Variants in CAB39L observed in about 807,000 individuals in gnomAD.
The protein encoded by CAB39L is calcium-binding protein 39-like.
A neutral mutation model predicts 39.1 loss-of-function variants in CAB39L; 23 were observed. The observed-to-expected ratio is 0.59, with a 90% CI of 0.42 to 0.83. The LOEUF (loss-of-function observed/expected upper bound fraction) is 0.83. Ranked by LOEUF, CAB39L falls within the 40% of genes least tolerant of loss-of-function variation. The pLI is 0.00. For synonymous variants in CAB39L, 126 were observed against 137.2 expected, an observed-to-expected ratio of 0.92 and a Z score of 0.57; for missense variants, 366 against 391.9, an observed-to-expected ratio of 0.93 and a Z score of 0.56.
At chr13:49,341,489 G>A (rs947531346) in intron 8 of CAB39L, among the ~76,000 whole-genome samples, 1 of 152,044 alleles carries the variant, frequency 6.6e-6, no homozygotes, top group African/African-American at 2.4e-5. Context: ...CTGACCTCGT[G>A]ATCCACCCGC....
At chr13:49,381,786 C>T (rs142513427) in intron 4 of CAB39L, among the ~76,000 whole-genome samples, 5 of 152,246 alleles carry the variant, frequency 3.3e-5, no homozygotes, top group African/African-American at 1.2e-4. Flanking sequence ...GGGTTGTTTC[C>T]ATGAAAGGAT....
intron 4 of CAB39L, among the ~76,000 whole-genome samples, chr13:49,378,794 G>A (rs1260613750): frequency 3.6e-4 from 17 of 47,838 alleles, no homozygotes; most frequent in African/African-American, 8.3e-4. Flanking sequence ...CCGGCCAGCC[G>A]CCCCGTCCGG....
chr13:49,367,682 C>G (rs1955807665), intron 5 of CAB39L, among the ~76,000 whole-genome samples: 1 of 152,074 alleles, frequency 6.6e-6, no homozygotes. Context: ...TTTGAGAGGC[C>G]AAGCCTGGAG....
intron 3 of CAB39L, among the ~76,000 whole-genome samples, chr13:49,391,661 T>C (rs1264085825): frequency 1.3e-5 from 2 of 152,130 alleles, no homozygotes; most frequent in Non-Finnish European, 2.9e-5. Flanking sequence ...AATCACATCA[T>C]ACACAAATTA....
intron 5 of CAB39L, among the ~76,000 whole-genome samples, chr13:49,373,589 AT>A (rs2138553403): frequency 1.3e-5 from 2 of 152,348 alleles, no homozygotes; most frequent in South Asian, 4.1e-4. Context: ...CTTCTAAACA[AT>A]TTACTGATTC....
intron 5 of CAB39L, among the ~76,000 whole-genome samples, chr13:49,372,632 C>A (rs971448712): frequency 2.0e-5 from 3 of 152,200 alleles, no homozygotes; most frequent in Middle Eastern, 3.4e-3. Context: ...GTGTAGAAAA[C>A]CACCCCTTCT....
intron 3 of CAB39L, among the ~76,000 whole-genome samples, chr13:49,431,736 A>G (rs1231536783): frequency 6.6e-6 from 1 of 152,174 alleles, no homozygotes; most frequent in South Asian, 2.1e-4. Context: ...AAAATAAAAT[A>G]AAAAACAAAA....
chr13:49,435,076 T>C lies in CAB39L; in HGVS notation c.-245-853A>G, dbSNP rs74827165. The stretch of plus-strand genomic sequence containing the variant: ...TCCTTCCTTCTGCGGATACATTGCA[T>C]ACTTTTCCATGCCTTTGTTTTTTCC... On this transcript the variant is annotated intron_variant, in intron 1 of 10. Transcript: ENST00000409308. Among the ~76,000 whole-genome samples, 1,112 of 152,350 alleles carry C rather than the reference T, an allele frequency of 7.3e-3. 4 individuals carry two copies. Among genetic ancestry groups the C allele is most frequent in the Non-Finnish European group, 0.012 (815 of 68,024 alleles).
intron 10 of CAB39L, among the ~76,000 whole-genome samples, chr13:49,314,353 A>G (rs773851258): frequency 2.6e-5 from 4 of 152,208 alleles, no homozygotes; most frequent in Non-Finnish European, 5.9e-5. Context: ...CAGCAGCTTC[A>G]GCACAAGTAA....
chr13:49,426,147 G>A (rs1333842775), intron 3 of CAB39L, among the ~76,000 whole-genome samples: 2 of 152,160 alleles, frequency 1.3e-5, no homozygotes, highest in Admixed American at 6.5e-5. Context: ...AGATTCTGCT[G>A]AAATGGCTGC....
intron 5 of CAB39L, among the ~76,000 whole-genome samples, chr13:49,361,476 T>A (rs1273814266): frequency 2.3e-4 from 2 of 8,794 alleles, no homozygotes; most frequent in African/African-American, 1.0e-3. Flanking sequence ...AGACTTCATC[T>A]CAAAAAAAAA....
intron 10 of CAB39L, among the ~76,000 whole-genome samples, chr13:49,321,174 T>C (rs73186855): frequency 0.038 from 5,741 of 152,336 alleles, 153 homozygotes; most frequent in Non-Finnish European, 0.057. Context: ...CACCCAGAGA[T>C]AACCCCTGTG....
At chr13:49,344,061 G>A (rs1164235007) in intron 8 of CAB39L, 118 bp downstream of exon 8, 2 of 694,944 alleles carry the variant, frequency 2.9e-6, no homozygotes, top group Non-Finnish European at 5.1e-6. Context: ...GACAAATCAG[G>A]AGTATGGTTG....
chr13:49,417,445 C>A (rs1957103083), intron 3 of CAB39L, among the ~76,000 whole-genome samples: 1 of 152,168 alleles, frequency 6.6e-6, no homozygotes, highest in Non-Finnish European at 1.5e-5. Context: ...ACATACCCAA[C>A]TTAACTATTT....
In CAB39L at chr13:49,440,506, A is replaced by G. The variant is rs1957492445; in HGVS notation, c.-246+3480T>C. 2.0e-5 allele frequency among the ~76,000 whole-genome samples: 3 copies of G among 151,872 alleles called. No homozygotes were observed. The South Asian group carries it at 6.2e-4, about 32-fold the overall frequency. ...ATGCTTTTTTGGTTACTGTAGCCTCAAAGTATAATTTGAAACAAGCTACAC... is the reference window on the plus strand; with the variant it reads ...ATGCTTTTTTGGTTACTGTAGCCTCGAAGTATAATTTGAAACAAGCTACAC... On this transcript the variant is annotated intron_variant, in intron 1 of 10. Transcript: ENST00000409308.
intron 3 of CAB39L, among the ~76,000 whole-genome samples, chr13:49,400,150 C>T (rs549308958): frequency 9.7e-4 from 148 of 152,146 alleles, no homozygotes; most frequent in Admixed American, 3.7e-3. Context: ...AAAGGATTCA[C>T]TTGAATCAAT....
At chr13:49,327,200 G>C (rs1184385636) in intron 10 of CAB39L, among the ~76,000 whole-genome samples, 1 of 151,764 alleles carries the variant, frequency 6.6e-6, no homozygotes, top group African/African-American at 2.4e-5. Flanking sequence ...ATAGTTGAAG[G>C]CTATTGGACA....
chr13:49,428,480 G>A (rs1410750062), intron 3 of CAB39L, among the ~76,000 whole-genome samples: 4 of 152,164 alleles, frequency 2.6e-5, no homozygotes, highest in Non-Finnish European at 4.4e-5. Context: ...TCTTGGCACA[G>A]TATGGAAGAA....
intron 10 of CAB39L, among the ~76,000 whole-genome samples, chr13:49,323,264 G>A (rs369655980): frequency 6.6e-6 from 1 of 152,184 alleles, no homozygotes; most frequent in African/African-American, 2.4e-5. Flanking sequence ...AGAGAACACT[G>A]GCTTTGTGCA....
Sources: allele counts gnomAD v4.1 joint callset (sites outside exome capture counted in the v4.1 genomes callset), GRCh38; gene constraint gnomAD v4.1.1; transcripts MANE v1.5; gene names NCBI Gene and HGNC (gene_info 2026-07-23, HGNC 2026-07-21).